Variants in FANK1 observed in about 807,000 individuals in gnomAD.
The protein encoded by FANK1 is fibronectin type III and ankyrin repeat domains 1.
FANK1 carries 44 observed loss-of-function variants against 45.3 expected under a neutral mutation model. That is an observed-to-expected ratio of 0.97 (90% CI 0.76 to 1.25). FANK1 has a LOEUF of 1.25. Ranked by LOEUF, FANK1 falls within the 50% of genes most tolerant of loss-of-function variation. The pLI is 0.00. For synonymous variants in FANK1, 149 were observed against 152.5 expected, an observed-to-expected ratio of 0.98 and a Z score of 0.17; for missense variants, 391 against 424.4, an observed-to-expected ratio of 0.92 and a Z score of 0.69.
intron 1 of FANK1, among the ~76,000 whole-genome samples, chr10:125,952,321 TA>T (rs1949291355): frequency 6.6e-6 from 1 of 152,198 alleles, no homozygotes; most frequent in Non-Finnish European, 1.5e-5. Flanking sequence ...CTTAAAATTG[TA>T]AAACTTTGGT....
chr10:125,913,968 CAAA>C (rs764287297), intron 1 of FANK1, among the ~76,000 whole-genome samples: 26 of 152,064 alleles, frequency 1.7e-4, no homozygotes, highest in Non-Finnish European at 3.5e-4. Flanking sequence ...AGTAAAAACA[CAAA>C]GAAGATGTTT....
intron 1 of FANK1, among the ~76,000 whole-genome samples, chr10:125,901,090 G>A (rs1944999011): frequency 6.6e-6 from 1 of 152,058 alleles, no homozygotes; most frequent in South Asian, 2.1e-4. Flanking sequence ...CTGCCTACTG[G>A]GCTCACGCAT....
intron 1 of FANK1, among the ~76,000 whole-genome samples, chr10:125,943,211 T>G (rs1948564776): frequency 6.6e-6 from 1 of 152,220 alleles, no homozygotes; most frequent in South Asian, 2.1e-4. Flanking sequence ...TATTTTCTGT[T>G]AAACTCTTCA....
At chr10:125,964,627 T>C (rs975993425) in intron 1 of FANK1, among the ~76,000 whole-genome samples, 4 of 152,254 alleles carry the variant, frequency 2.6e-5, no homozygotes, top group East Asian at 1.9e-4. Flanking sequence ...GGTATGCTAA[T>C]GTTTGATTAT....
chr10:125,945,630 C>T (rs1209002799), intron 1 of FANK1, among the ~76,000 whole-genome samples: 1 of 152,204 alleles, frequency 6.6e-6, no homozygotes. Context: ...ACTGCTAGCA[C>T]AGCAGTCTGA....
intron 1 of FANK1, among the ~76,000 whole-genome samples, chr10:125,972,013 C>T (rs1271061269): frequency 1.3e-5 from 2 of 152,176 alleles, no homozygotes; most frequent in Non-Finnish European, 2.9e-5. Flanking sequence ...AGATTATCTT[C>T]ATTTTAATCC....
chr10:125,935,777 A>G (rs1948056736), intron 1 of FANK1, among the ~76,000 whole-genome samples: 1 of 152,216 alleles, frequency 6.6e-6, no homozygotes, highest in South Asian at 2.1e-4. Context: ...TTACCTTTGT[A>G]TAACAATTCT....
intron 1 of FANK1, among the ~76,000 whole-genome samples, chr10:125,950,178 G>C (rs913212795): frequency 1.3e-4 from 19 of 150,522 alleles, no homozygotes; most frequent in South Asian, 4.3e-4. Context: ...AGAAAACCTA[G>C]GCATTACCAT....
chr10:125,966,335 C>T (rs1564921574), intron 1 of FANK1, among the ~76,000 whole-genome samples: 1 of 152,136 alleles, frequency 6.6e-6, no homozygotes. Flanking sequence ...AGACTTGCCT[C>T]TTTATCCCGA....
At chr10:125,994,682 G>A (rs1952186511) in intron 3 of FANK1, 8 of 985,126 alleles carry the variant, frequency 8.1e-6, no homozygotes, top group South Asian at 4.7e-5. Context: ...AACTAGAAAC[G>A]CCTAGAAAGA....
chr10:125,958,390 A>C (rs1031066151), intron 1 of FANK1, among the ~76,000 whole-genome samples: 1 of 152,214 alleles, frequency 6.6e-6, no homozygotes, highest in Non-Finnish European at 1.5e-5. Context: ...CAGGAAACTT[A>C]CAATCAGGGT....
chr10:125,950,244 G>A (rs879085185), intron 1 of FANK1, among the ~76,000 whole-genome samples: 21 of 151,004 alleles, frequency 1.4e-4, no homozygotes, highest in Admixed American at 4.0e-4. Context: ...AGCAATGGCA[G>A]CAAAAGCCAA....
chr10:125,903,423 G>A (rs983632940), intron 1 of FANK1, among the ~76,000 whole-genome samples: 2 of 152,280 alleles, frequency 1.3e-5, no homozygotes, highest in African/African-American at 4.8e-5. Context: ...TAGAGGCAAA[G>A]GCCAGTTCCT....
intron 1 of FANK1, among the ~76,000 whole-genome samples, chr10:125,967,309 G>C (rs1303020003): frequency 6.6e-6 from 1 of 152,140 alleles, no homozygotes; most frequent in Non-Finnish European, 1.5e-5. Context: ...GGACTCCCCG[G>C]CAAATTATGG....
intron 2 of FANK1, among the ~76,000 whole-genome samples, chr10:125,987,686 G>A (rs1226064817): frequency 1.3e-5 from 2 of 152,136 alleles, no homozygotes; most frequent in African/African-American, 2.4e-5. Context: ...GAGGTTTTGG[G>A]TAATACTGGG....
chr10:125,937,039 C>A (rs1362574840), intron 1 of FANK1, among the ~76,000 whole-genome samples: 2 of 151,970 alleles, frequency 1.3e-5, no homozygotes, highest in African/African-American at 4.8e-5. Context: ...TGCCCTCCAG[C>A]CTGGCAACAA....
rs773564258 is a variant in FANK1 at position 125,980,152 on chromosome 10, T to A, written c.14-9T>A. ...GGGTCCTGAAGTTCGGTGTCATTCT[T>A]TTTTTTAGAAATCATGCCACCCTCA... On this transcript the variant is annotated splice_polypyrimidine_tract_variant and intron_variant, in intron 1 of 10. Coordinates refer to ENST00000368693, the MANE Select transcript of FANK1 (RefSeq NM_145235.5). The A allele has an allele frequency of 2.7e-5, 43 of 1,606,314 alleles. 1 individual carries two copies. The South Asian group carries it at 4.1e-4, about 15-fold the overall frequency.
intron 1 of FANK1, among the ~76,000 whole-genome samples, chr10:125,910,877 A>G (rs1489011094): frequency 6.6e-6 from 1 of 152,114 alleles, no homozygotes; most frequent in African/African-American, 2.4e-5. Context: ...TACTAAAAAC[A>G]CAAAAAATTA....
At chr10:126,008,599 CAG>C in intron 8 of FANK1, 49 bp downstream of exon 8, 2 of 1,556,586 alleles carry the variant, frequency 1.3e-6, no homozygotes, top group South Asian at 1.2e-5. Context: ...GAATTAATGT[CAG>C]AGCTTTTTCT....
Sources: gnomAD v4.1 joint callset for allele counts (sites outside exome capture counted in the v4.1 genomes callset) on GRCh38, gnomAD v4.1.1 for gene constraint, MANE v1.5 for transcripts, NCBI Gene and HGNC (gene_info 2026-07-23, HGNC 2026-07-21) for gene names.